TMEM126A: variants seen among roughly 807,000 people sequenced by gnomAD.
TMEM126A encodes optic atrophy 7.
TMEM126A carries 10 observed loss-of-function variants against 18.3 expected under a neutral mutation model. The observed-to-expected ratio is 0.55, with a 90% CI of 0.34 to 0.93. TMEM126A has a LOEUF of 0.93. Among genes scored for constraint, TMEM126A ranks in the 40% least tolerant of loss-of-function variants. The pLI is 0.02. For missense variants in TMEM126A, 246 were observed against 230.2 expected, an observed-to-expected ratio of 1.07 and a Z score of -0.44; for synonymous variants, 68 against 78.1, an observed-to-expected ratio of 0.87 and a Z score of 0.68.
intron 2 of TMEM126A, among the ~76,000 whole-genome samples, chr11:85,651,645 T>G (rs2082500554): frequency 6.6e-6 from 1 of 151,598 alleles, no homozygotes; most frequent in Non-Finnish European, 1.5e-5. Flanking sequence ...AACCCATAAA[T>G]CAAGACCAGT....
At chr11:85,653,895 G>A in intron 2 of TMEM126A, 168 bp from the exon 3 acceptor site, 1 of 710,100 alleles carries the variant, frequency 1.4e-6, no homozygotes, top group Non-Finnish European at 2.4e-6. Context: ...GCTGCTGGGA[G>A]AAGAGCAAAA....
At chr11:85,652,611 C>T (rs2082509245) in intron 2 of TMEM126A, among the ~76,000 whole-genome samples, 1 of 152,054 alleles carries the variant, frequency 6.6e-6, no homozygotes, top group South Asian at 2.1e-4. Context: ...TTTTGGAAAA[C>T]TGGCAAGGGG....
chr11:85,651,037 C>T (rs2082495558), intron 2 of TMEM126A, among the ~76,000 whole-genome samples: 1 of 140,812 alleles, frequency 7.1e-6, no homozygotes, highest in Non-Finnish European at 1.5e-5. Context: ...CCACTACACC[C>T]CAGCCTGGGC....
chr11:85,654,929 G>C (rs1228498059), intron 3 of TMEM126A, among the ~76,000 whole-genome samples: 2 of 151,160 alleles, frequency 1.3e-5, no homozygotes, highest in East Asian at 3.9e-4. Flanking sequence ...TTATAGAGAA[G>C]TTCCTTAAAG....
intron 2 of TMEM126A, among the ~76,000 whole-genome samples, chr11:85,653,594 G>T (rs1486457695): frequency 6.6e-6 from 1 of 152,098 alleles, no homozygotes; most frequent in Non-Finnish European, 1.5e-5. Flanking sequence ...CTCATCAATG[G>T]GTTGTTATAA....
intron 2 of TMEM126A, 80 bp from the exon 3 acceptor site, chr11:85,653,983 T>A (rs2082518838): frequency 6.6e-7 from 1 of 1,505,342 alleles, no homozygotes; most frequent in East Asian, 2.3e-5. Flanking sequence ...ATTCCCAAAG[T>A]CCTATAACAC....
chr11:85,650,044 G>T (rs1432120719), intron 1 of TMEM126A, among the ~76,000 whole-genome samples: 2 of 151,948 alleles, frequency 1.3e-5, no homozygotes, highest in Non-Finnish European at 1.5e-5. Context: ...ATACTTTCAA[G>T]GATTATGAAG....
chr11:85,649,326 C>A (rs957433118), intron 1 of TMEM126A, among the ~76,000 whole-genome samples: 1 of 152,224 alleles, frequency 6.6e-6, no homozygotes, highest in South Asian at 2.1e-4. Flanking sequence ...GTGCAGACAT[C>A]AACAAACTAC....
chr11:85,649,388 C>A (rs761057584), intron 1 of TMEM126A, among the ~76,000 whole-genome samples: 5 of 152,180 alleles, frequency 3.3e-5, no homozygotes, highest in Admixed American at 6.5e-5. Context: ...AGCCACCCAG[C>A]TAAGAATGAT....
At chr11:85,652,946 C>CAA (rs58948603) in intron 2 of TMEM126A, among the ~76,000 whole-genome samples, 36 of 146,878 alleles carry the variant, frequency 2.5e-4, no homozygotes, top group African/African-American at 9.0e-4. Flanking sequence ...CCAACCCCCA[C>CAA]AAAAAAAAAA....
intron 2 of TMEM126A, 51 bp downstream of exon 2, chr11:85,650,392 C>A: frequency 8.0e-7 from 1 of 1,243,450 alleles, no homozygotes. Flanking sequence ...GGATTTTCAC[C>A]ATTGATTCAT....
intron 2 of TMEM126A, among the ~76,000 whole-genome samples, chr11:85,652,452 GCTTT>G (rs769178019): frequency 5.9e-5 from 9 of 152,070 alleles, no homozygotes; most frequent in Non-Finnish European, 8.8e-5. Context: ...AGTGTATGGA[GCTTT>G]CTTAATATCA....
At chr11:85,653,946 G>C in intron 2 of TMEM126A, 117 bp from the exon 3 acceptor site, 1 of 1,248,074 alleles carries the variant, frequency 8.0e-7, no homozygotes, top group Non-Finnish European at 1.2e-6. Flanking sequence ...GGTTCTATAA[G>C]GGATAGATGT....
At chr11:85,652,325 TTA>T (rs2082506825) in intron 2 of TMEM126A, among the ~76,000 whole-genome samples, 1 of 152,254 alleles carries the variant, frequency 6.6e-6, no homozygotes, top group African/African-American at 2.4e-5. Context: ...CAGTGTCCTG[TTA>T]TCTTTGCCTT....
rs370841561 is a variant in TMEM126A, at chr11:85,655,680, A to G, written c.367A>G (p.Ile123Val). ...TGGTCTATACCCTGTTTTCTTGGCT[A>G]TACCTGTAAATGGTGGTCTAGCAGC... is the stretch of plus-strand genomic sequence containing the variant. ...IGGLYPVFLA[I>V]PVNGGLAARY... The change falls in exon 4 of 5, where the codon ATA becomes GTA. Residue 123 changes from isoleucine (I) to valine (V), a missense_variant. Transcript: ENST00000304511. 92 of 1,613,394 alleles carry G rather than the reference A, an allele frequency of 5.7e-5. No homozygotes were observed. The highest frequency in any genetic ancestry group is 7.4e-5 in the Non-Finnish European group (87 of 1,179,562).
Sources: allele counts gnomAD v4.1 joint callset (sites outside exome capture counted in the v4.1 genomes callset), GRCh38; gene constraint gnomAD v4.1.1; transcripts MANE v1.5; gene names NCBI Gene and HGNC (gene_info 2026-07-23, HGNC 2026-07-21).